The following AXL variants were observed in gnomAD, a reference collection of about 807,000 sequenced individuals.
AXL encodes the protein AXL receptor tyrosine kinase, also known as tyrosine-protein kinase receptor UFO.
AXL carries 52 observed loss-of-function variants against 104.5 expected under a neutral mutation model. The ratio of observed to expected loss-of-function variants is 0.50; its 90% confidence interval spans 0.40 to 0.63. The LOEUF (loss-of-function observed/expected upper bound fraction) is 0.63, where lower values mean the gene tolerates loss of function less well. AXL is among the 20% of genes least tolerant of loss of function. The pLI, the probability that AXL is intolerant of heterozygous loss-of-function variation, is 0.00. For missense variants in AXL, 1,024 were observed against 1,188.5 expected (o/e 0.86, Z 2.04); for synonymous variants, 455 against 473.7 (o/e 0.96, Z 0.51).
At chr19:41,240,887 C>T (rs1364110126) in intron 10 of AXL, among the ~76,000 whole-genome samples, 1 of 151,792 alleles carries the variant, frequency 6.6e-6, no homozygotes, top group Non-Finnish European at 1.5e-5. Flanking sequence ...GACATCATTC[C>T]CTCACCCTTC....
At chr19:41,252,720 T>G in intron 15 of AXL, 126 bp from the exon 16 acceptor site, 2 of 1,508,832 alleles carry the variant, frequency 1.3e-6, no homozygotes, top group South Asian at 2.6e-5. Context: ...CCACTGCCAC[T>G]ACCCCCAAAC....
chr19:41,256,750 G>C, intron 18 of AXL, 139 bp downstream of exon 18: 2 of 1,206,932 alleles, frequency 1.7e-6, no homozygotes, highest in Non-Finnish European at 2.3e-6. Context: ...CACATGGGCT[G>C]GGCATGTCTT....
chr19:41,235,797 A>C (rs2034069207), intron 6 of AXL, among the ~76,000 whole-genome samples: 1 of 152,212 alleles, frequency 6.6e-6, no homozygotes, highest in Non-Finnish European at 1.5e-5. Context: ...AATGCTTACC[A>C]CAGGACAACA....
intron 4 of AXL, among the ~76,000 whole-genome samples, chr19:41,229,054 A>G (rs1170357748): frequency 3.3e-5 from 5 of 150,380 alleles, no homozygotes; most frequent in Non-Finnish European, 5.9e-5. Context: ...GGTTCAAGCT[A>G]TTCTCCTGCC....
intron 4 of AXL, among the ~76,000 whole-genome samples, chr19:41,227,488 CTTTT>C (rs34569295): frequency 7.4e-6 from 1 of 135,496 alleles, no homozygotes; most frequent in Non-Finnish European, 1.6e-5. Flanking sequence ...ACCCTGGGGC[CTTTT>C]TTTTTTTTTT....
intron 4 of AXL, among the ~76,000 whole-genome samples, chr19:41,228,295 G>T (rs966965710): frequency 6.6e-6 from 1 of 152,302 alleles, no homozygotes. Context: ...GCTCACACCT[G>T]TGATCCCAGC....
chr19:41,260,817 C>T lies in AXL; in HGVS notation c.*913C>T, dbSNP rs996337393. The stretch of plus-strand genomic sequence containing the variant: ...TATAGATTCTAAAGATTCTATAGTT[C>T]TAGACATGGAGGTTCTAAGGCCTAG... On this transcript the variant is annotated 3_prime_UTR_variant, in exon 20 of 20. Transcript: ENST00000301178. 6.6e-6 allele frequency: 1 copy of T among 152,014 alleles called. No homozygotes were observed. Among genetic ancestry groups the T allele is most frequent in the African/African-American group, 2.4e-5 (1 of 41,370 alleles). The allele number at this position is 152,014 out of a possible 1,614,324, so 9.4% of individuals were successfully genotyped here.
rs762892654 is a variant in AXL, at chr19:41,230,968, G to A, written c.588G>A (p.Gly196=). 1.9e-6 allele frequency: 3 copies of A among 1,613,790 alleles called. No individual in the cohort carries two copies. Among genetic ancestry groups the A allele is most frequent in the Non-Finnish European group, 1.7e-6 (2 of 1,179,842 alleles). ...CCCTTCCCTCATATGACTCCCTAGG[G>A]CTGAACAAGACATCCTCTTTCTCCT... ...HGPQRSLHVP[G]LNKTSSFSCE... Residue 196 remains glycine (G), a splice_region_variant and synonymous_variant, in exon 5 of 20, where the codon GGG becomes GGA. Coordinates refer to ENST00000301178, the MANE Select transcript of AXL (RefSeq NM_021913.5).
rs2122297843 is a variant in AXL, at chr19:41,259,544, C to T, written c.2334-9C>T. On this transcript the variant is annotated splice_polypyrimidine_tract_variant and intron_variant, in intron 19 of 19. Transcript: ENST00000301178. ...GCTCAATCTCCCACCCCTCATTTTG[C>T]TGCCCTAGGTATGCCTTGATGTCGC... 6.4e-7 allele frequency: 1 copy of T among 1,574,612 alleles called. No individual in the cohort carries two copies.
At chr19:41,258,663 G>T (rs12461203) in intron 19 of AXL, among the ~76,000 whole-genome samples, 12,289 of 152,152 alleles carry the variant, frequency 0.081, 660 homozygotes, top group Non-Finnish European at 0.11. Flanking sequence ...TGATCCACCC[G>T]TCCCAGCCTC....
rs751061294 is a variant in AXL at position 41,239,332 on chromosome 19, C to A, written c.1285+18C>A. ...GCGCCCAGGTAAGTCCAAAGCCATG[C>A]CCAACCTGCTTCAACCCTGTCTCTC... On this transcript the variant is annotated intron_variant, in intron 9 of 19. Coordinates refer to ENST00000301178, the MANE Select transcript of AXL (RefSeq NM_021913.5). The A allele has an allele frequency of 6.5e-7, 1 of 1,550,332 alleles. No individual in the cohort carries two copies. Among genetic ancestry groups the A allele is most frequent in the Admixed American group, 2.0e-5 (1 of 50,286 alleles).
At position 41,231,175 on chromosome 19, in the gene AXL, G is replaced by C; in HGVS notation, c.668-8G>C. ...TCCCCAGGGTCAATCTCTCCCGTTTGTCCACAGTGCTCCCCCAGCAGCCCC... is the reference window on the plus strand; with the variant it reads ...TCCCCAGGGTCAATCTCTCCCGTTTCTCCACAGTGCTCCCCCAGCAGCCCC... On this transcript the variant is annotated splice_polypyrimidine_tract_variant and splice_region_variant and intron_variant, in intron 5 of 19. Coordinates refer to ENST00000301178, the MANE Select transcript of AXL (RefSeq NM_021913.5). 6.2e-7 allele frequency: 1 copy of C among 1,611,348 alleles called. No individual in the cohort carries two copies. The highest frequency in any genetic ancestry group is 8.5e-7 in the Non-Finnish European group (1 of 1,178,464).
intron 4 of AXL, among the ~76,000 whole-genome samples, chr19:41,228,938 TTGTCTTTTCTTTTCTTTC>T: frequency 8.3e-6 from 1 of 120,092 alleles, no homozygotes; most frequent in South Asian, 2.6e-4. Context: ...CTTTCTTTCT[TTGTCTTTTCTTTTCTTTC>T]TTTTTTTTTT....
At chr19:41,240,733 C>T (rs1332736178) in intron 10 of AXL, among the ~76,000 whole-genome samples, 1 of 152,168 alleles carries the variant, frequency 6.6e-6, no homozygotes, top group Middle Eastern at 3.2e-3. Flanking sequence ...ACCCCAAAGG[C>T]CCATTGCACA....
chr19:41,257,014 G>A (rs1236528495), intron 18 of AXL, among the ~76,000 whole-genome samples: 1 of 152,124 alleles, frequency 6.6e-6, no homozygotes, highest in Non-Finnish European at 1.5e-5. Context: ...TTATTCATGT[G>A]TATACCCGTG....
intron 14 of AXL, among the ~76,000 whole-genome samples, chr19:41,249,333 T>G (rs11880729): frequency 0.15 from 22,361 of 152,160 alleles, 1,798 homozygotes; most frequent in East Asian, 0.28. Flanking sequence ...CACACGCCTG[T>G]AGTCCCAGCT....
chr19:41,259,326 C>G (rs1169656363), intron 19 of AXL, among the ~76,000 whole-genome samples: 4 of 152,168 alleles, frequency 2.6e-5, no homozygotes, highest in Non-Finnish European at 4.4e-5. Context: ...ACTCCATATA[C>G]AGACAGGTTT....
intron 4 of AXL, among the ~76,000 whole-genome samples, chr19:41,223,771 C>T (rs2033832916): frequency 6.6e-6 from 1 of 151,936 alleles, no homozygotes; most frequent in Non-Finnish European, 1.5e-5. Flanking sequence ...GTCAGCCTGG[C>T]AGGTCCCATG....
chr19:41,253,774 TCCTTCTTAGGATGGAAG>T, intron 17 of AXL, 66 bp downstream of exon 17: 1 of 1,297,870 alleles, frequency 7.7e-7, no homozygotes, highest in Non-Finnish European at 1.1e-6. Context: ...GTTCCCTCCC[TCCTTCTTAGGATGGAAG>T]CAGGGCTAGA....
Sources: allele counts gnomAD v4.1 joint callset (sites outside exome capture counted in the v4.1 genomes callset), GRCh38; gene constraint gnomAD v4.1.1; transcripts MANE v1.5; gene names NCBI Gene and HGNC (gene_info 2026-07-23, HGNC 2026-07-21).